Variants in SHROOM2 observed in about 807,000 individuals in gnomAD.
The protein encoded by SHROOM2 is protein Shroom2.
In SHROOM2, 33 loss-of-function variants were observed where a neutral mutation model predicts 75.9. That is an observed-to-expected ratio of 0.43 (90% confidence interval 0.33 to 0.58). SHROOM2 has a LOEUF of 0.58. Ranked by LOEUF, SHROOM2 falls within the 20% of genes least tolerant of loss-of-function variation. The pLI, the probability that SHROOM2 is intolerant of heterozygous loss-of-function variation, is 0.04. For missense variants in SHROOM2, 1,434 were observed against 1,461.2 expected (o/e 0.98, Z 0.30); for synonymous variants, 655 against 663.6 (o/e 0.99, Z 0.20).
At chrX:9,853,682 G>A (rs777029923) in intron 1 of SHROOM2, among the ~76,000 whole-genome samples, 5 of 112,005 alleles carry the variant, frequency 4.5e-5, no homozygotes, top group South Asian at 3.8e-4. Context: ...GGATGACATC[G>A]TCATCACCAG....
At chrX:9,893,576 T>C (rs2084305781) in intron 3 of SHROOM2, among the ~76,000 whole-genome samples, 1 of 112,223 alleles carries the variant, frequency 8.9e-6, no homozygotes, top group Non-Finnish European at 1.9e-5. Context: ...GCTTCATGTA[T>C]GAACTGAAAT....
chrX:9,937,273 G>A lies in SHROOM2; in HGVS notation c.3727G>A (p.Glu1243Lys). The A allele has an allele frequency of 1.7e-6, 2 of 1,210,762 alleles. No homozygotes were observed. The highest frequency in any genetic ancestry group is 2.2e-6 in the Non-Finnish European group (2 of 895,008). ...AEPPALPHGL[E>K]KDQIKTLSTS... ...GCCACCTGCCCTGCCCCACGGGCTG[G>A]AGAAAGACCAGATCAAGACGCTGAG... The change falls in exon 7 of 10, where the codon GAG (glutamate) becomes AAG (lysine). Residue 1243 changes from glutamate to lysine, a missense_variant. By Grantham distance (56) the Glu-to-Lys change is moderately conservative. Around this residue, in one of 3 missense-constraint regions of SHROOM2, gnomAD observed 1,340 missense variants for 1,338.3 expected, o/e 1.00. Transcript: ENST00000380913.
intron 1 of SHROOM2, among the ~76,000 whole-genome samples, chrX:9,848,044 C>T (rs1228121618): frequency 1.8e-5 from 2 of 111,849 alleles, no homozygotes; most frequent in Non-Finnish European, 3.8e-5. Flanking sequence ...GTCAATACTC[C>T]CCATGTCTGA....
chrX:9,881,879 A>G (rs1417634578), intron 2 of SHROOM2, among the ~76,000 whole-genome samples: 5 of 112,302 alleles, frequency 4.5e-5, no homozygotes, highest in Non-Finnish European at 9.4e-5. Context: ...TTTTTCTATG[A>G]AGAGTATCTT....
intron 5 of SHROOM2, among the ~76,000 whole-genome samples, chrX:9,914,342 G>T (rs1486385677): frequency 1.8e-5 from 2 of 109,671 alleles, no homozygotes; most frequent in Admixed American, 2.0e-4. Flanking sequence ...TCCGCCTTTG[G>T]ATTTTGGAGG....
chrX:9,876,067 A>G (rs1017269620), intron 2 of SHROOM2, among the ~76,000 whole-genome samples: 4 of 112,344 alleles, frequency 3.6e-5, no homozygotes, highest in African/African-American at 1.3e-4. Context: ...GCCCTGAAGG[A>G]TCTCCAGGAG....
chrX:9,898,693 C>T (rs966086539), intron 5 of SHROOM2, among the ~76,000 whole-genome samples: 7 of 112,183 alleles, frequency 6.2e-5, no homozygotes, highest in South Asian at 3.7e-4. Flanking sequence ...TGTGCCTAGC[C>T]GCGGCCTGGA....
intron 8 of SHROOM2, among the ~76,000 whole-genome samples, chrX:9,940,322 C>T (rs922511320): frequency 3.6e-5 from 4 of 112,140 alleles, no homozygotes; most frequent in African/African-American, 1.3e-4. Flanking sequence ...GTTTAGAGAA[C>T]TGCATTCTTT....
intron 2 of SHROOM2, among the ~76,000 whole-genome samples, chrX:9,879,929 T>A (rs754441430): frequency 8.9e-6 from 1 of 112,376 alleles, no homozygotes; most frequent in South Asian, 3.7e-4. Flanking sequence ...TGATGTAGAC[T>A]TTTATTTTTT....
chrX:9,898,067 C>G, intron 4 of SHROOM2, 123 bp from the exon 5 acceptor site: 1 of 563,208 alleles, frequency 1.8e-6, no homozygotes. Context: ...TCAGTCATCT[C>G]AATGAAATGC....
intron 1 of SHROOM2, among the ~76,000 whole-genome samples, chrX:9,820,591 C>T (rs1401040356): frequency 2.7e-5 from 3 of 111,890 alleles, no homozygotes; most frequent in African/African-American, 9.7e-5. Context: ...TCTCAAACTC[C>T]TGGGCTCAAG....
At chrX:9,941,367 C>A (rs750109588) in intron 8 of SHROOM2, among the ~76,000 whole-genome samples, 1 of 112,187 alleles carries the variant, frequency 8.9e-6, no homozygotes, top group Admixed American at 9.4e-5. Flanking sequence ...GTATGGACCA[C>A]AGTGGTGAGC....
intron 6 of SHROOM2, 62 bp from the exon 7 acceptor site, chrX:9,937,072 C>T (rs1602021568): frequency 8.3e-6 from 9 of 1,080,100 alleles, no homozygotes; most frequent in East Asian, 3.3e-5. Context: ...GCAGGGGACA[C>T]GTCAATCAGG....
At chrX:9,894,250 T>TG in intron 3 of SHROOM2, 108 bp from the exon 4 acceptor site, 2 of 732,377 alleles carry the variant, frequency 2.7e-6, no homozygotes, top group Non-Finnish European at 4.0e-6. Flanking sequence ...AAATTACTGT[T>TG]TGGCATTTTG....
intron 1 of SHROOM2, among the ~76,000 whole-genome samples, chrX:9,808,835 C>T (rs1475636510): frequency 9.1e-6 from 1 of 110,296 alleles, no homozygotes; most frequent in Non-Finnish European, 1.9e-5. Context: ...GCACTCCAGC[C>T]TGGGGGACAA....
intron 5 of SHROOM2, among the ~76,000 whole-genome samples, chrX:9,924,291 A>G (rs12389162): frequency 0.019 from 2,096 of 112,492 alleles, 52 homozygotes; most frequent in African/African-American, 0.065. Context: ...TGGGCATGCA[A>G]AGGACAACCA....
chrX:9,929,324 G>A (rs1316126711), intron 5 of SHROOM2, among the ~76,000 whole-genome samples: 1 of 111,835 alleles, frequency 8.9e-6, no homozygotes, highest in East Asian at 2.8e-4. Flanking sequence ...TGCTGCTGCA[G>A]GTCTGAATGA....
intron 6 of SHROOM2, among the ~76,000 whole-genome samples, chrX:9,935,968 C>T (rs979319023): frequency 2.7e-5 from 3 of 111,453 alleles, no homozygotes; most frequent in African/African-American, 6.5e-5. Context: ...AGCACGGTGC[C>T]GCTGAGAGCA....
chrX:9,800,666 G>A (rs1423880486), intron 1 of SHROOM2, among the ~76,000 whole-genome samples: 1 of 108,637 alleles, frequency 9.2e-6, no homozygotes, highest in Non-Finnish European at 1.9e-5. Flanking sequence ...TATAGAGATG[G>A]GGTTCTCATC....
Sources: allele counts gnomAD v4.1 joint callset (sites outside exome capture counted in the v4.1 genomes callset), GRCh38; gene constraint gnomAD v4.1.1; regional missense constraint gnomAD v4.1.1; transcripts MANE v1.5; gene names NCBI Gene and HGNC (gene_info 2026-07-23, HGNC 2026-07-21).